The following PLGRKT variants were observed in gnomAD, a reference collection of about 807,000 sequenced individuals.
The protein encoded by PLGRKT is plasminogen receptor with a C-terminal lysine, also known as plasminogen receptor (KT).
A neutral mutation model predicts 18.5 loss-of-function variants in PLGRKT; 22 were observed. The ratio of observed to expected loss-of-function variants is 1.19; its 90% CI spans 0.85 to 1.70. The LOEUF (loss-of-function observed/expected upper bound fraction) is 1.70. PLGRKT is among the 40% of genes most tolerant of loss of function. The pLI, the probability that PLGRKT is intolerant of heterozygous loss-of-function variation, is 0.00. For missense variants in PLGRKT, 235 were observed against 174.4 expected (o/e 1.35, Z -1.96); for synonymous variants, 72 against 52.8 (o/e 1.36, Z -1.58).
chr9:5,436,905 G>C (rs371313154), intron 1 of PLGRKT, among the ~76,000 whole-genome samples: 5 of 152,098 alleles, frequency 3.3e-5, no homozygotes, highest in African/African-American at 1.2e-4. Flanking sequence ...TTGCAATAGG[G>C]ATAACTTTGA....
chr9:5,412,662 TGAAC>T (rs1818387446), intron 3 of PLGRKT, among the ~76,000 whole-genome samples: 1 of 152,032 alleles, frequency 6.6e-6, no homozygotes, highest in African/African-American at 2.4e-5. Flanking sequence ...CAACAGAAAA[TGAAC>T]GAAGACAAAA....
intron 3 of PLGRKT, among the ~76,000 whole-genome samples, chr9:5,388,510 G>A (rs1017175086): frequency 6.6e-5 from 10 of 151,904 alleles, no homozygotes; most frequent in African/African-American, 2.4e-4. Context: ...TTTCTGCATT[G>A]AAGAAAATAA....
chr9:5,397,097 A>C (rs1730744954), intron 3 of PLGRKT, among the ~76,000 whole-genome samples: 1 of 151,990 alleles, frequency 6.6e-6, no homozygotes, highest in South Asian at 2.1e-4. Flanking sequence ...CTGGAAGCAA[A>C]TATTTTAGTG....
intron 3 of PLGRKT, among the ~76,000 whole-genome samples, chr9:5,377,272 G>C (rs1227140207): frequency 6.6e-6 from 1 of 151,200 alleles, no homozygotes; most frequent in African/African-American, 2.4e-5. Context: ...ATAGCACAGA[G>C]AAAAAAACTG....
chr9:5,399,175 TC>T (rs1373791072), intron 3 of PLGRKT, among the ~76,000 whole-genome samples: 1 of 151,854 alleles, frequency 6.6e-6, no homozygotes, highest in Non-Finnish European at 1.5e-5. Flanking sequence ...TCTGGCTGCT[TC>T]CTGGAGTCTC....
chr9:5,409,575 C>G (rs1430503650), intron 3 of PLGRKT, among the ~76,000 whole-genome samples: 2 of 152,210 alleles, frequency 1.3e-5, no homozygotes, highest in Non-Finnish European at 2.9e-5. Context: ...ACTGACAGCT[C>G]AGACCCTGCT....
intron 3 of PLGRKT, chr9:5,381,792 A>C: frequency 1.3e-6 from 1 of 746,836 alleles, no homozygotes; most frequent in Non-Finnish European, 1.6e-6. Context: ...TTGGTCTAGA[A>C]ACATGGCCAA....
At chr9:5,411,249 G>A (rs1818358168) in intron 3 of PLGRKT, among the ~76,000 whole-genome samples, 1 of 151,932 alleles carries the variant, frequency 6.6e-6, no homozygotes, top group African/African-American at 2.4e-5. Context: ...CCGGGCCACA[G>A]TGGCATGCGT....
intron 3 of PLGRKT, among the ~76,000 whole-genome samples, chr9:5,387,897 G>A (rs2131104751): frequency 6.6e-6 from 1 of 151,988 alleles, no homozygotes; most frequent in South Asian, 2.1e-4. Context: ...GTCTGGGGTA[G>A]AGTGACACCA....
intron 3 of PLGRKT, among the ~76,000 whole-genome samples, chr9:5,410,406 C>T (rs1818338973): frequency 6.6e-6 from 1 of 151,186 alleles, no homozygotes; most frequent in Non-Finnish European, 1.5e-5. Context: ...CTGACATGCT[C>T]ACTTGAACCC....
chr9:5,410,167 A>G (rs1818334816), intron 3 of PLGRKT, among the ~76,000 whole-genome samples: 1 of 152,228 alleles, frequency 6.6e-6, no homozygotes, highest in African/African-American at 2.4e-5. Flanking sequence ...TAAGGTGATC[A>G]TTTTCAAGTA....
intron 5 of PLGRKT, among the ~76,000 whole-genome samples, 164 bp from the exon 6 acceptor site, chr9:5,358,524 G>T (rs755530109): frequency 1.5e-4 from 23 of 152,092 alleles, no homozygotes; most frequent in Non-Finnish European, 3.1e-4. Context: ...CTTCCCAGAG[G>T]AAACACAGTG....
At chr9:5,405,051 C>T (rs1285154755) in intron 3 of PLGRKT, among the ~76,000 whole-genome samples, 2 of 152,014 alleles carry the variant, frequency 1.3e-5, no homozygotes, top group African/African-American at 2.4e-5. Context: ...AAATAAAATG[C>T]CTAGGAATAC....
At chr9:5,367,544 A>G (rs977123447) in intron 3 of PLGRKT, among the ~76,000 whole-genome samples, 1 of 152,244 alleles carries the variant, frequency 6.6e-6, no homozygotes, top group African/African-American at 2.4e-5. Flanking sequence ...TATATGCAGA[A>G]GAATGAAAAT....
At chr9:5,389,190 C>T (rs74946843) in intron 3 of PLGRKT, among the ~76,000 whole-genome samples, 2,823 of 151,936 alleles carry the variant, frequency 0.019, 145 homozygotes, top group African/African-American at 0.066. Flanking sequence ...TACTTAGAAG[C>T]AGGAAGAAAA....
chr9:5,432,188 T>C (rs976282599), intron 2 of PLGRKT, among the ~76,000 whole-genome samples: 2 of 152,164 alleles, frequency 1.3e-5, no homozygotes, highest in Admixed American at 1.3e-4. Flanking sequence ...ATCATTTTAC[T>C]CACCTAACAC....
intron 3 of PLGRKT, among the ~76,000 whole-genome samples, chr9:5,363,100 T>A (rs554925202): frequency 2.1e-4 from 32 of 151,028 alleles, no homozygotes; most frequent in Non-Finnish European, 7.4e-5. Flanking sequence ...TACCAATGAG[T>A]CCAAAACCTA....
intron 3 of PLGRKT, among the ~76,000 whole-genome samples, chr9:5,398,827 C>A (rs149690297): frequency 0.012 from 1,809 of 151,778 alleles, 58 homozygotes; most frequent in African/African-American, 0.042. Context: ...ACAAGTCATC[C>A]CAAAATATGC....
Position 5,365,409 on chromosome 9 carries a change from A to G in PLGRKT, c.82-3521T>C, listed in dbSNP as rs551040566. Among the ~76,000 whole-genome samples, 4 of 152,360 alleles carry G rather than the reference A, an allele frequency of 2.6e-5. No individual in the cohort carries two copies. In the East Asian group the frequency reaches 7.7e-4, roughly 29 times the overall value. ...AAGCCTATACTAACATAAATGGAGA[A>G]GAGACAAATATCCTGTACAGAAGAA... On this transcript the variant is annotated intron_variant, in intron 3 of 5. Transcript: ENST00000223864.
Sources: gnomAD v4.1 joint callset for allele counts (sites outside exome capture counted in the v4.1 genomes callset) on GRCh38, gnomAD v4.1.1 for gene constraint, MANE v1.5 for transcripts, NCBI Gene and HGNC (gene_info 2026-07-23, HGNC 2026-07-21) for gene names.